Variants in HDAC4 observed in about 807,000 individuals in gnomAD.
HDAC4 encodes the protein histone deacetylase A.
In HDAC4, 16 loss-of-function variants were observed where a neutral mutation model predicts 135.1. That is an observed-to-expected ratio of 0.12 (90% CI 0.08 to 0.18). The LOEUF (loss-of-function observed/expected upper bound fraction) is 0.18. HDAC4 is among the 10% of genes least tolerant of loss of function. The pLI is 1.00. For missense variants in HDAC4, 1,143 were observed against 1,511.8 expected, an observed-to-expected ratio of 0.76 and a Z score of 4.05; for synonymous variants, 685 against 653.4, an observed-to-expected ratio of 1.05 and a Z score of -0.74.
chr2:239,111,825 G>T, intron 13 of HDAC4, 113 bp from the exon 14 acceptor site: 1 of 984,438 alleles, frequency 1.0e-6, no homozygotes, highest in Non-Finnish European at 1.6e-6. Context: ...GGCCATACAT[G>T]GGCCACAAGG....
rs3791577 is a variant in HDAC4 at position 239,195,219 on chromosome 2, C to A, written c.95-5142G>T. Among the ~76,000 whole-genome samples, 211 of 152,318 alleles carry A rather than the reference C, an allele frequency of 1.4e-3. 2 individuals carry two copies. The East Asian group carries it at 0.04, about 29-fold the overall frequency. ...ACTGCCTTGGTTTACCGGACTGCCA[C>A]GTGAAACTCCACTATCTGCTAAAGT... On this transcript the variant is annotated intron_variant, in intron 3 of 26. Coordinates refer to ENST00000543185, the MANE Select transcript of HDAC4 (RefSeq NM_001378414.1).
At chr2:239,236,888 C>A (rs1044621709) in intron 2 of HDAC4, among the ~76,000 whole-genome samples, 1 of 152,146 alleles carries the variant, frequency 6.6e-6, no homozygotes, top group Non-Finnish European at 1.5e-5. Flanking sequence ...CCGTTTCTGG[C>A]CTAAGAGCCA....
chr2:239,297,643 C>A (rs2051990317), intron 2 of HDAC4, among the ~76,000 whole-genome samples: 1 of 152,104 alleles, frequency 6.6e-6, no homozygotes, highest in Non-Finnish European at 1.5e-5. Flanking sequence ...GATGCCAGGC[C>A]CCAATGGTAG....
intron 2 of HDAC4, among the ~76,000 whole-genome samples, chr2:239,278,000 C>CACCCCAGCCACACACTCCAGCCACAT (rs2050480512): frequency 2.0e-5 from 3 of 152,032 alleles, no homozygotes; most frequent in African/African-American, 7.2e-5. Context: ...CCCAGCCACA[C>CACCCCAGCCACACACTCCAGCCACAT]ACCCCAGCCA....
chr2:239,087,568 C>T lies in HDAC4; in HGVS notation c.2435G>A (p.Ser812Asn), dbSNP rs569673698. ...TGCGGCGTGTACTCACATGGGCGTG[C>T]TCTCCTCCGCATGGTGTCCAGGGGG... Reference protein sequence around the residue: ...VRPPGHHAEESTPMGFCYFNS... With the variant: ...VRPPGHHAEENTPMGFCYFNS... The change falls in exon 19 of 27, where the codon AGC becomes AAC. Residue 812 changes from serine (S) to asparagine (N), a missense_variant. Ser to Asn is a conservative substitution (Grantham distance 46). This residue lies in a region of HDAC4 where 189 missense variants were observed against 317.6 expected (regional missense o/e 0.60). Transcript: ENST00000543185. 2.5e-6 allele frequency: 4 copies of T among 1,613,654 alleles called. No homozygotes were observed. The African/African-American group carries it at 4.0e-5, about 16-fold the overall frequency.
intron 4 of HDAC4, among the ~76,000 whole-genome samples, chr2:239,177,303 C>G (rs1210200479): frequency 1.3e-5 from 2 of 152,236 alleles, no homozygotes; most frequent in African/African-American, 4.8e-5. Flanking sequence ...CCACCACAGC[C>G]TGGTGTGGAA....
intron 2 of HDAC4, among the ~76,000 whole-genome samples, chr2:239,289,280 T>G (rs1313712946): frequency 6.6e-6 from 1 of 152,244 alleles, no homozygotes; most frequent in Non-Finnish European, 1.5e-5. Flanking sequence ...AGGTTATCTT[T>G]ATGGCCTTGA....
chr2:239,117,956 A>G (rs3791427), intron 12 of HDAC4, among the ~76,000 whole-genome samples: 126,812 of 152,202 alleles, frequency 0.83, 52,917 homozygotes, highest in South Asian at 0.9. Flanking sequence ...AGAGCACTGC[A>G]TGCTGCTCCA....
intron 3 of HDAC4, among the ~76,000 whole-genome samples, chr2:239,229,762 T>G (rs1171906484): frequency 6.6e-6 from 1 of 152,176 alleles, no homozygotes; most frequent in Non-Finnish European, 1.5e-5. Flanking sequence ...TGAGTTAAGA[T>G]AAGCGGAGAT....
intron 22 of HDAC4, among the ~76,000 whole-genome samples, chr2:239,076,160 C>G (rs2152658220): frequency 1.3e-5 from 2 of 152,128 alleles, no homozygotes; most frequent in East Asian, 3.9e-4. Context: ...GGCCACTCTC[C>G]TGGGCTTCCC....
intron 2 of HDAC4, among the ~76,000 whole-genome samples, chr2:239,348,316 G>A (rs959884486): frequency 4.6e-5 from 7 of 152,162 alleles, no homozygotes; most frequent in Non-Finnish European, 4.4e-5. Context: ...CCACTGCGGG[G>A]CTCCTTGACA....
intron 12 of HDAC4, among the ~76,000 whole-genome samples, chr2:239,116,320 G>T (rs754951195): frequency 3.4e-5 from 5 of 149,120 alleles, no homozygotes; most frequent in African/African-American, 1.3e-4. Flanking sequence ...GTCCAATGCC[G>T]AACGCAGGGC....
chr2:239,109,878 A>C (rs1019077092), intron 14 of HDAC4, among the ~76,000 whole-genome samples: 8 of 152,224 alleles, frequency 5.3e-5, no homozygotes, highest in African/African-American at 1.9e-4. Flanking sequence ...TACTAAGCAC[A>C]CGGCTGGAAC....
chr2:239,218,071 G>A (rs1039516075), intron 3 of HDAC4, among the ~76,000 whole-genome samples: 4 of 152,128 alleles, frequency 2.6e-5, no homozygotes, highest in Admixed American at 6.5e-5. Flanking sequence ...CAGCCTGGGC[G>A]ACAGAGTGAG....
intron 2 of HDAC4, among the ~76,000 whole-genome samples, chr2:239,345,368 G>C (rs985786138): frequency 2.0e-5 from 3 of 152,112 alleles, no homozygotes; most frequent in African/African-American, 7.2e-5. Flanking sequence ...GGACAACATG[G>C]TGAGATTCGG....
At chr2:239,279,587 G>A (rs2050587287) in intron 2 of HDAC4, among the ~76,000 whole-genome samples, 1 of 152,242 alleles carries the variant, frequency 6.6e-6, no homozygotes, top group South Asian at 2.1e-4. Flanking sequence ...GGGCAGGGGT[G>A]GGAGCAGCCC....
intron 13 of HDAC4, 49 bp from the exon 14 acceptor site, chr2:239,111,761 CT>C: frequency 6.6e-7 from 1 of 1,517,386 alleles, no homozygotes; most frequent in South Asian, 1.2e-5. Context: ...TCTCCCGCCC[CT>C]GGGCTGCAGG....
In HDAC4 at chr2:239,145,326, C is replaced by A. The variant is rs367983265; in HGVS notation, c.734-612G>T. On this transcript the variant is annotated intron_variant, in intron 7 of 26. Transcript: ENST00000543185. ...GGAGGCTCAGCAGAGCCCATCCCAACATCTGCGCCGGCTTCACCTTTCATC... is the reference window on the plus strand; with the variant it reads ...GGAGGCTCAGCAGAGCCCATCCCAAAATCTGCGCCGGCTTCACCTTTCATC... Among the ~76,000 whole-genome samples, 23 of 152,304 alleles carry A rather than the reference C, an allele frequency of 1.5e-4. No individual in the cohort carries two copies. The East Asian group carries it at 2.5e-3, about 17-fold the overall frequency.
intron 2 of HDAC4, among the ~76,000 whole-genome samples, chr2:239,338,900 C>T (rs1043924562): frequency 7.2e-5 from 11 of 152,190 alleles, no homozygotes; most frequent in Admixed American, 5.2e-4. Flanking sequence ...CTACCAAAAG[C>T]GTAGGTTCGG....
Sources: gnomAD v4.1 joint callset for allele counts (sites outside exome capture counted in the v4.1 genomes callset) on GRCh38, gnomAD v4.1.1 for gene constraint, gnomAD v4.1.1 regional missense constraint, MANE v1.5 for transcripts, NCBI Gene and HGNC (gene_info 2026-07-23, HGNC 2026-07-21) for gene names.